The following EYA2 variants were observed in gnomAD, a reference collection of about 807,000 sequenced individuals.
The protein encoded by EYA2 is protein phosphatase EYA2.
Under a neutral mutation model 69.2 loss-of-function variants are expected in EYA2, and 31 were observed. The observed-to-expected ratio is 0.45, with a 90% CI of 0.34 to 0.60. EYA2 has a LOEUF of 0.60. Among genes scored for constraint, EYA2 ranks in the 20% least tolerant of loss-of-function variants. The pLI, the probability that EYA2 is intolerant of heterozygous loss-of-function variation, is 0.02. For missense variants in EYA2, 622 were observed against 701.2 expected, an observed-to-expected ratio of 0.89 and a Z score of 1.28; for synonymous variants, 257 against 279.4, an observed-to-expected ratio of 0.92 and a Z score of 0.80.
rs188114044 is a variant in EYA2 at position 47,088,919 on chromosome 20, G to C, written c.662-320G>C. On this transcript the variant is annotated intron_variant, in intron 7 of 15. Transcript: ENST00000327619. ...TGTGGCACATTTCCCTCCCGGGCTTGGTGTATGCTTACTTGTCGATGTGTC... is the reference window on the plus strand; with the variant it reads ...TGTGGCACATTTCCCTCCCGGGCTTCGTGTATGCTTACTTGTCGATGTGTC... 1.8e-4 allele frequency among the ~76,000 whole-genome samples: 27 copies of C among 152,306 alleles called. No individual in the cohort carries two copies. In the East Asian group the frequency reaches 4.2e-3, roughly 24 times the overall value.
chr20:47,042,034 A>G (rs1985098685), intron 5 of EYA2, among the ~76,000 whole-genome samples: 1 of 152,220 alleles, frequency 6.6e-6, no homozygotes, highest in Non-Finnish European at 1.5e-5. Context: ...ACTAAAAGTT[A>G]AATTATAGCC....
At chr20:46,912,280 G>A (rs1010628808) in intron 1 of EYA2, among the ~76,000 whole-genome samples, 15 of 152,042 alleles carry the variant, frequency 9.9e-5, no homozygotes, top group Non-Finnish European at 1.6e-4. Context: ...TCAAAGGCAT[G>A]GATATTCAGG....
chr20:46,996,522 G>T (rs1252540887), intron 2 of EYA2, among the ~76,000 whole-genome samples: 2 of 152,170 alleles, frequency 1.3e-5, no homozygotes, highest in Admixed American at 6.5e-5. Context: ...GGTTCCAGGT[G>T]CACTGGTCTC....
intron 5 of EYA2, among the ~76,000 whole-genome samples, chr20:47,027,333 A>T (rs1984151055): frequency 6.6e-6 from 1 of 152,234 alleles, no homozygotes; most frequent in Non-Finnish European, 1.5e-5. Flanking sequence ...CAGTCTTGGC[A>T]TCCTATGGGT....
chr20:46,976,389 G>GGTTTTGTTTGTGTGTTTACTT (rs3092080), intron 1 of EYA2, among the ~76,000 whole-genome samples: 1 of 151,254 alleles, frequency 6.6e-6, no homozygotes, highest in African/African-American at 2.4e-5. Context: ...AGAGTTTTTG[G>GGTTTTGTTTGTGTGTTTACTT]GTTTTGTTTT....
intron 9 of EYA2, among the ~76,000 whole-genome samples, chr20:47,134,934 T>C (rs1343039723): frequency 1.3e-5 from 2 of 151,986 alleles, no homozygotes; most frequent in African/African-American, 4.8e-5. Flanking sequence ...AAGACCATCC[T>C]GGCTAACGTG....
chr20:46,923,487 G>A (rs191723825), intron 1 of EYA2, among the ~76,000 whole-genome samples: 1 of 152,290 alleles, frequency 6.6e-6, no homozygotes, highest in Admixed American at 6.5e-5. Context: ...GGAAATTATT[G>A]GTGAATTGAC....
chr20:47,134,321 T>A (rs1189832987), intron 9 of EYA2, among the ~76,000 whole-genome samples: 1 of 151,940 alleles, frequency 6.6e-6, no homozygotes, highest in African/African-American at 2.4e-5. Context: ...GATTATGGAG[T>A]CTGGAGTCAG....
chr20:47,052,929 A>T (rs147679147), intron 5 of EYA2, among the ~76,000 whole-genome samples: 23 of 152,292 alleles, frequency 1.5e-4, no homozygotes, highest in African/African-American at 5.5e-4. Context: ...TATAAGACTG[A>T]GACATGAAAT....
At position 47,137,640 on chromosome 20, in the gene EYA2, T is replaced by A. The variant is rs992969101; in HGVS notation, c.889-5419T>A. 2.0e-5 allele frequency among the ~76,000 whole-genome samples: 3 copies of A among 152,226 alleles called. No individual in the cohort carries two copies. In the South Asian group the frequency reaches 6.2e-4, roughly 32 times the overall value. On this transcript the variant is annotated intron_variant, in intron 9 of 15. Transcript: ENST00000327619. ...GAATATTTATGGTTTATAGTAGGGC[T>A]GCATTCAGCAGGCAGCCCAGGATGA...
At chr20:47,049,860 A>ACCCCC (rs57648069) in intron 5 of EYA2, among the ~76,000 whole-genome samples, 4 of 126,252 alleles carry the variant, frequency 3.2e-5, no homozygotes, top group African/African-American at 9.0e-5. Flanking sequence ...TCTGTGACAG[A>ACCCCC]CCCCCCCCCC....
At chr20:47,023,438 A>G (rs4809613) in intron 5 of EYA2, among the ~76,000 whole-genome samples, 23,930 of 151,658 alleles carry the variant, frequency 0.16, 2,271 homozygotes, top group African/African-American at 0.26. Context: ...AGATCTGTGG[A>G]TTTATCATTT....
intron 1 of EYA2, among the ~76,000 whole-genome samples, chr20:46,943,257 G>T (rs893231020): frequency 6.6e-6 from 1 of 151,960 alleles, no homozygotes; most frequent in African/African-American, 2.4e-5. Context: ...CCCCCACCCC[G>T]CCCCCAGCAC....
At chr20:46,931,384 T>G (rs183512586) in intron 1 of EYA2, among the ~76,000 whole-genome samples, 1 of 152,338 alleles carries the variant, frequency 6.6e-6, no homozygotes, top group East Asian at 1.9e-4. Flanking sequence ...TTTGTTTGTT[T>G]GTTGTTTTTA....
At chr20:46,948,165 A>G (rs1352333843) in intron 1 of EYA2, among the ~76,000 whole-genome samples, 1 of 152,070 alleles carries the variant, frequency 6.6e-6, no homozygotes, top group Non-Finnish European at 1.5e-5. Flanking sequence ...TTACTACCAT[A>G]TTAGTCTATC....
chr20:47,031,475 C>T (rs141761598), intron 5 of EYA2, among the ~76,000 whole-genome samples: 7 of 152,210 alleles, frequency 4.6e-5, no homozygotes, highest in Admixed American at 4.6e-4. Context: ...AGTGCCTGAC[C>T]TGTCCCTAGC....
chr20:47,011,805 C>A (rs1029776715), intron 4 of EYA2, among the ~76,000 whole-genome samples: 2 of 152,144 alleles, frequency 1.3e-5, no homozygotes, highest in Non-Finnish European at 2.9e-5. Context: ...CTGCTTCATT[C>A]TTCTTTTTAG....
At chr20:46,992,262 G>C (rs1448897363) in intron 2 of EYA2, among the ~76,000 whole-genome samples, 1 of 152,084 alleles carries the variant, frequency 6.6e-6, no homozygotes, top group African/African-American at 2.4e-5. Flanking sequence ...CTAAAAAGTG[G>C]GTACTGTTAT....
intron 4 of EYA2, among the ~76,000 whole-genome samples, chr20:47,010,584 A>C (rs977251060): frequency 6.6e-6 from 1 of 151,786 alleles, no homozygotes; most frequent in Non-Finnish European, 1.5e-5. Flanking sequence ...AACTGTGAGC[A>C]TGCCACTGCA....
Sources: gnomAD v4.1 joint callset for allele counts (sites outside exome capture counted in the v4.1 genomes callset) on GRCh38, gnomAD v4.1.1 for gene constraint, MANE v1.5 for transcripts, NCBI Gene and HGNC (gene_info 2026-07-23, HGNC 2026-07-21) for gene names.